The following IPO8 variants were observed in gnomAD, a reference collection of about 807,000 sequenced individuals.
IPO8 encodes the protein importin-8.
Under a neutral mutation model 141.2 loss-of-function variants are expected in IPO8, and 65 were observed. That is an observed-to-expected ratio of 0.46 (90% CI 0.38 to 0.57). The LOEUF is 0.57. Among genes scored for constraint, IPO8 ranks in the 20% least tolerant of loss-of-function variants. The pLI is 0.00. For synonymous variants in IPO8, 411 were observed against 420.3 expected (o/e 0.98, Z 0.27); for missense variants, 980 against 1,246.8 (o/e 0.79, Z 3.22).
Position 30,639,649 on chromosome 12 carries a change from A to C in IPO8, c.2355T>G (p.Val785=). 3 of 1,614,092 alleles carry C rather than the reference A, an allele frequency of 1.9e-6. No homozygotes were observed. The highest frequency in any genetic ancestry group is 2.5e-6 in the Non-Finnish European group (3 of 1,179,952). ...TSELRTMCLQ[V]AIAALYYNPD... ...GGTTGTAGTACAAGGCAGCAATTGC[A>C]ACCTGAAGACACATAGTACGAAGCT... Residue 785 remains valine (V), a synonymous_variant, in exon 21 of 25, where the codon GTT becomes GTG. Transcript: ENST00000256079.
At chr12:30,645,255 AC>A (rs990522859) in intron 20 of IPO8, among the ~76,000 whole-genome samples, 7 of 151,742 alleles carry the variant, frequency 4.6e-5, no homozygotes, top group Admixed American at 4.6e-4. Context: ...CGCCTGTAAT[AC>A]CAGCTACTTG....
intron 18 of IPO8, 125 bp downstream of exon 18, chr12:30,652,842 T>A (rs986424047): frequency 2.2e-6 from 2 of 908,304 alleles, no homozygotes; most frequent in Non-Finnish European, 3.3e-6. Flanking sequence ...CCAGCTTTTA[T>A]GTGACCGGGA....
Position 30,666,175 on chromosome 12 carries a change from C to T in IPO8, c.1221G>A (p.Glu407=). 1 of 1,561,476 alleles carries T rather than the reference C, an allele frequency of 6.4e-7. No individual in the cohort carries two copies. Residue 407 remains glutamate (E), a splice_region_variant and synonymous_variant, in exon 11 of 25, where the codon GAG becomes GAA. Coordinates refer to ENST00000256079, the MANE Select transcript of IPO8 (RefSeq NM_006390.4). ...LLYTAAKKRK[E]VLPKMMAFCY... The stretch of plus-strand genomic sequence containing the variant: ...GGATTTAAAAAGAAAAATGAAATAC[C>T]TCTTTTCTTTTCTTTGCAGCAGTAT...
chr12:30,650,833 C>T (rs1046948382), intron 19 of IPO8, among the ~76,000 whole-genome samples: 2 of 151,952 alleles, frequency 1.3e-5, no homozygotes, highest in African/African-American at 4.8e-5. Flanking sequence ...TATGTGATTG[C>T]AACTATTTCC....
At chr12:30,678,782 A>G (rs1428975309) in intron 5 of IPO8, among the ~76,000 whole-genome samples, 1 of 152,180 alleles carries the variant, frequency 6.6e-6, no homozygotes, top group Non-Finnish European at 1.5e-5. Context: ...GAGCTTATGT[A>G]TAGAATATCC....
intron 1 of IPO8, among the ~76,000 whole-genome samples, chr12:30,691,625 A>G (rs1256950660): frequency 6.6e-6 from 1 of 152,212 alleles, no homozygotes; most frequent in Non-Finnish European, 1.5e-5. Context: ...CTCAAATTCC[A>G]GTGAGGCCAA....
intron 20 of IPO8, among the ~76,000 whole-genome samples, chr12:30,648,188 A>T (rs2052675051): frequency 6.6e-6 from 1 of 152,200 alleles, no homozygotes; most frequent in Non-Finnish European, 1.5e-5. Context: ...ATGACCAACA[A>T]CTGATGAATG....
chr12:30,645,936 A>G (rs1217982524), intron 20 of IPO8, among the ~76,000 whole-genome samples: 1 of 152,172 alleles, frequency 6.6e-6, no homozygotes, highest in East Asian at 1.9e-4. Flanking sequence ...TCTACCAAAC[A>G]TTTAAAAAAG....
Position 30,630,862 on chromosome 12 carries a change from A to G in IPO8, c.3112T>C (p.Ter1038ArgextTer27). 6.2e-7 allele frequency: 1 copy of G among 1,610,170 alleles called. No homozygotes were observed. Among genetic ancestry groups the G allele is most frequent in the Non-Finnish European group, 8.5e-7 (1 of 1,176,908 alleles). The part of the protein sequence containing the change: ...FNFGTVPSNN[*>R] ...TTGGTCAGCTGATGTTCTTTCCTTC[A>G]GTTGTTGCTGGGCACAGTCCCAAAA... Residue 1038 changes from the stop codon to arginine (R), a stop_lost, in exon 25 of 25, where the codon TGA becomes CGA. Transcript: ENST00000256079.
At chr12:30,636,935 ACAAAT>A in intron 22 of IPO8, 42 bp downstream of exon 22, 2 of 1,516,844 alleles carry the variant, frequency 1.3e-6, no homozygotes, top group African/African-American at 1.4e-5. Context: ...AAATGCATAC[ACAAAT>A]CAAAATCAAT....
intron 20 of IPO8, among the ~76,000 whole-genome samples, chr12:30,642,671 A>AT (rs1268691211): frequency 6.6e-6 from 1 of 151,310 alleles, no homozygotes; most frequent in Non-Finnish European, 1.5e-5. Context: ...CATATATACT[A>AT]TACATATATA....
chr12:30,677,945 G>C (rs979650538), intron 5 of IPO8, among the ~76,000 whole-genome samples: 1 of 151,658 alleles, frequency 6.6e-6, no homozygotes, highest in Non-Finnish European at 1.5e-5. Flanking sequence ...GACCAGCCTG[G>C]CCAAAACAGT....
At chr12:30,631,828 C>T in intron 24 of IPO8, 67 bp downstream of exon 24, 1 of 988,338 alleles carries the variant, frequency 1.0e-6, no homozygotes, top group African/African-American at 1.6e-5. Flanking sequence ...CCACCTGGCT[C>T]ATCAAATAAG....
chr12:30,630,070 G>A lies in IPO8; in HGVS notation c.*790C>T, dbSNP rs556353229. On this transcript the variant is annotated 3_prime_UTR_variant, in exon 25 of 25. Transcript: ENST00000256079. ...CTTACTGTTAACTCCAGTGACTAAAGAGCCCCTGCCACTTGCTGCCAAGAA... is the reference window on the plus strand; with the variant it reads ...CTTACTGTTAACTCCAGTGACTAAAAAGCCCCTGCCACTTGCTGCCAAGAA... 6.6e-6 allele frequency: 1 copy of A among 152,238 alleles called. No homozygotes were observed. The highest frequency in any genetic ancestry group is 1.5e-5 in the Non-Finnish European group (1 of 68,032). 9.4% of individuals were successfully genotyped at this position (152,238 alleles called of 1,614,324 possible).
intron 6 of IPO8, 143 bp downstream of exon 6, chr12:30,676,355 A>G (rs955538104): frequency 7.6e-6 from 3 of 392,742 alleles, no homozygotes; most frequent in African/African-American, 6.1e-5. Context: ...AGCTTTCTAA[A>G]AATGGTATTA....
intron 21 of IPO8, among the ~76,000 whole-genome samples, chr12:30,638,191 T>C (rs985078843): frequency 4.6e-5 from 7 of 152,218 alleles, no homozygotes; most frequent in African/African-American, 1.4e-4. Flanking sequence ...CTTCCAGTGC[T>C]AATAAACACA....
chr12:30,681,982 G>A (rs895052667), intron 3 of IPO8, among the ~76,000 whole-genome samples, 165 bp from the exon 4 acceptor site: 5 of 152,044 alleles, frequency 3.3e-5, no homozygotes, highest in African/African-American at 9.7e-5. Flanking sequence ...CATCCTCAGT[G>A]GCTCAACTTG....
chr12:30,651,579 G>A (rs947475008), intron 19 of IPO8, among the ~76,000 whole-genome samples: 3 of 152,006 alleles, frequency 2.0e-5, no homozygotes, highest in African/African-American at 7.2e-5. Context: ...GTGTGTGTGT[G>A]TATGTATATA....
At position 30,663,607 on chromosome 12, in the gene IPO8, C is replaced by T. The variant is rs542583164; in HGVS notation, c.1476G>A (p.Glu492=). 6.2e-7 allele frequency: 1 copy of T among 1,612,934 alleles called. No individual in the cohort carries two copies. The highest frequency in any genetic ancestry group is 1.7e-5 in the Admixed American group (1 of 59,990). ...HAFSSLKFHN[E]LNLRNAVELA... is the part of the protein sequence containing the mutation. ...ATTCAACGGCATTTCTTAGATTGAG[C>T]TCATTATGGAACTTCAAAGAACTAA... Residue 492 remains glutamate (E), a synonymous_variant, in exon 14 of 25, where the codon GAG becomes GAA. Coordinates refer to ENST00000256079, the MANE Select transcript of IPO8 (RefSeq NM_006390.4).
Sources: gnomAD v4.1 joint callset for allele counts (sites outside exome capture counted in the v4.1 genomes callset) on GRCh38, gnomAD v4.1.1 for gene constraint, MANE v1.5 for transcripts, NCBI Gene and HGNC (gene_info 2026-07-23, HGNC 2026-07-21) for gene names.